The following CSMD1 variants were observed in gnomAD, a reference collection of about 807,000 sequenced individuals.
CSMD1 encodes CUB and sushi domain-containing protein 1.
In CSMD1, 213 loss-of-function variants were observed where a neutral mutation model predicts 417.5. That is an observed-to-expected ratio of 0.51 (90% confidence interval 0.46 to 0.57). The LOEUF (loss-of-function observed/expected upper bound fraction) is 0.57. Among genes scored for constraint, CSMD1 ranks in the 20% least tolerant of loss-of-function variants. The pLI, the probability that CSMD1 is intolerant of heterozygous loss-of-function variation, is 0.00. For missense variants in CSMD1, 6,923 were observed against 4,529.7 expected (o/e 1.53, Z -15.17); for synonymous variants, 2,862 against 1,736.8 (o/e 1.65, Z -16.11).
At chr8:3,702,455 G>A (rs76992565) in intron 7 of CSMD1, among the ~76,000 whole-genome samples, 7 of 152,176 alleles carry the variant, frequency 4.6e-5, no homozygotes, top group Admixed American at 6.5e-5. Context: ...TCCTCACATT[G>A]AGAGCTGCTA....
chr8:4,664,264 G>C (rs531006948), intron 1 of CSMD1, among the ~76,000 whole-genome samples: 2 of 152,326 alleles, frequency 1.3e-5, no homozygotes, highest in African/African-American at 4.8e-5. Flanking sequence ...TGACTAGTAA[G>C]AAGAGATTTT....
chr8:4,342,814 C>T (rs1388691093), intron 3 of CSMD1, among the ~76,000 whole-genome samples: 2 of 151,680 alleles, frequency 1.3e-5, no homozygotes, highest in Non-Finnish European at 1.5e-5. Context: ...GTTCCTGCCA[C>T]AACATCGCAA....
intron 12 of CSMD1, among the ~76,000 whole-genome samples, chr8:3,424,018 CT>C (rs953880419): frequency 2.6e-5 from 4 of 152,172 alleles, no homozygotes; most frequent in Admixed American, 1.3e-4. Flanking sequence ...TCTCTCCAAG[CT>C]CTTCCGTACC....
intron 3 of CSMD1, among the ~76,000 whole-genome samples, chr8:4,409,642 CTTTTT>C (rs61368925): frequency 0.028 from 3,951 of 141,804 alleles, 65 homozygotes; most frequent in Non-Finnish European, 0.035. Context: ...GACTTTTTTT[CTTTTT>C]TTTTTTTTTT....
At chr8:3,719,907 G>A (rs750105228) in intron 6 of CSMD1, among the ~76,000 whole-genome samples, 2 of 152,230 alleles carry the variant, frequency 1.3e-5, no homozygotes, top group Non-Finnish European at 2.9e-5. Context: ...CACCTTGCCA[G>A]GTTAAAAATG....
rs780630444 is a variant in CSMD1 at position 3,468,677 on chromosome 8, A to G, written c.1561+35T>C. 7.9e-6 allele frequency: 11 copies of G among 1,390,334 alleles called. No individual in the cohort carries two copies. The South Asian group carries it at 8.6e-5, about 11-fold the overall frequency. The allele number at this position is 1,390,334 out of a possible 1,614,324, so 86.1% of individuals were successfully genotyped here. A position where few individuals can be genotyped will look rare whatever the true frequency, so the allele number is the denominator to read the frequency against. ...GCTCTCTGCCCTCTCTTGGAATGCT[A>G]ACTTCCAACCCTGTGAAGTGTAATC... On this transcript the variant is annotated intron_variant, in intron 12 of 69. Transcript: ENST00000635120.
intron 40 of CSMD1, among the ~76,000 whole-genome samples, chr8:3,145,409 C>A (rs1818782190): frequency 6.6e-6 from 1 of 152,126 alleles, no homozygotes; most frequent in African/African-American, 2.4e-5. Context: ...AGTCACGAAA[C>A]ATAACAACTT....
chr8:4,461,032 G>A (rs1239020919), intron 2 of CSMD1, among the ~76,000 whole-genome samples: 1 of 152,066 alleles, frequency 6.6e-6, no homozygotes, highest in Non-Finnish European at 1.5e-5. Flanking sequence ...AAGAAATTCA[G>A]ATCCAACAAC....
At chr8:4,222,684 T>G (rs1177770893) in intron 3 of CSMD1, among the ~76,000 whole-genome samples, 1 of 152,152 alleles carries the variant, frequency 6.6e-6, no homozygotes, top group Non-Finnish European at 1.5e-5. Context: ...ACACAACTAT[T>G]CAGTTATGCC....
intron 2 of CSMD1, among the ~76,000 whole-genome samples, chr8:4,578,400 C>T (rs1232479833): frequency 3.0e-5 from 4 of 133,840 alleles, no homozygotes; most frequent in Non-Finnish European, 4.6e-5. Flanking sequence ...AGGATGTTCT[C>T]GATCTCCTGA....
intron 6 of CSMD1, among the ~76,000 whole-genome samples, chr8:3,744,898 C>G (rs59929721): frequency 6.6e-6 from 1 of 152,116 alleles, no homozygotes; most frequent in Non-Finnish European, 1.5e-5. Context: ...ACATGCTGAG[C>G]GCTTTAGTTG....
chr8:3,942,535 G>A (rs1368752637), intron 5 of CSMD1, among the ~76,000 whole-genome samples: 1 of 152,108 alleles, frequency 6.6e-6, no homozygotes, highest in Non-Finnish European at 1.5e-5. Flanking sequence ...GAGGACACCG[G>A]TGCATGAGGA....
chr8:4,442,214 T>G (rs1798523400), intron 2 of CSMD1, among the ~76,000 whole-genome samples: 1 of 152,092 alleles, frequency 6.6e-6, no homozygotes, highest in African/African-American at 2.4e-5. Context: ...ATAGCAGACA[T>G]GATGTCATAC....
chr8:3,705,459 G>T (rs1801113410), intron 7 of CSMD1, among the ~76,000 whole-genome samples: 1 of 152,144 alleles, frequency 6.6e-6, no homozygotes, highest in African/African-American at 2.4e-5. Flanking sequence ...TCTTAACGGG[G>T]ACAGCCTCAC....
chr8:3,248,985 A>T (rs1585790728), intron 26 of CSMD1, among the ~76,000 whole-genome samples: 1 of 152,130 alleles, frequency 6.6e-6, no homozygotes, highest in East Asian at 1.9e-4. Context: ...CCTTCTCTAG[A>T]AGGTGCACTT....
intron 12 of CSMD1, among the ~76,000 whole-genome samples, chr8:3,438,732 T>C (rs991867449): frequency 1.3e-5 from 2 of 152,178 alleles, no homozygotes; most frequent in East Asian, 3.9e-4. Flanking sequence ...CTTATTATTA[T>C]GTTATGTGAA....
At chr8:4,691,915 T>C (rs1365346404) in intron 1 of CSMD1, among the ~76,000 whole-genome samples, 1 of 152,208 alleles carries the variant, frequency 6.6e-6, no homozygotes, top group African/African-American at 2.4e-5. Flanking sequence ...GGGGACATTT[T>C]CTCCTCACTC....
chr8:2,997,687 T>C (rs968459783), intron 54 of CSMD1, among the ~76,000 whole-genome samples: 1 of 152,184 alleles, frequency 6.6e-6, no homozygotes, highest in African/African-American at 2.4e-5. Context: ...GTCATAAAAT[T>C]AGAAGCATAA....
chr8:3,860,392 G>C (rs774461673), intron 5 of CSMD1, among the ~76,000 whole-genome samples: 1 of 152,062 alleles, frequency 6.6e-6, no homozygotes, highest in Non-Finnish European at 1.5e-5. Context: ...AAAATCATCA[G>C]TCAAAATGGA....
Sources: allele counts gnomAD v4.1 joint callset (sites outside exome capture counted in the v4.1 genomes callset), GRCh38; gene constraint gnomAD v4.1.1; transcripts MANE v1.5; gene names NCBI Gene and HGNC (gene_info 2026-07-23, HGNC 2026-07-21).